Variants in HOMER2 observed in about 807,000 individuals in gnomAD.
The protein encoded by HOMER2 is homer protein homolog 2.
In HOMER2, 27 loss-of-function variants were observed where a neutral mutation model predicts 47.0. That is an observed-to-expected ratio of 0.57 (90% CI 0.42 to 0.79). The LOEUF (loss-of-function observed/expected upper bound fraction) is 0.79, where lower values mean the gene tolerates loss of function less well. HOMER2 is among the 30% of genes least tolerant of loss of function. HOMER2 has a pLI of 0.00. For synonymous variants in HOMER2, 161 were observed against 163.8 expected, an observed-to-expected ratio of 0.98 and a Z score of 0.13; for missense variants, 443 against 435.0, an observed-to-expected ratio of 1.02 and a Z score of -0.16.
intron 2 of HOMER2, among the ~76,000 whole-genome samples, chr15:82,889,427 A>G (rs917647472): frequency 5.3e-5 from 8 of 152,204 alleles, no homozygotes; most frequent in Non-Finnish European, 8.8e-5. Context: ...ATGCTCAGGA[A>G]TAAGAACAGA....
At chr15:82,876,742 G>C (rs2052360691) in intron 2 of HOMER2, among the ~76,000 whole-genome samples, 3 of 152,190 alleles carry the variant, frequency 2.0e-5, no homozygotes, top group Admixed American at 1.3e-4. Context: ...CACTTTCCTT[G>C]TAACTGATAA....
intron 1 of HOMER2, among the ~76,000 whole-genome samples, chr15:82,981,708 A>G (rs2030401269): frequency 6.6e-6 from 1 of 152,246 alleles, no homozygotes; most frequent in Non-Finnish European, 1.5e-5. Flanking sequence ...CACATGCTAC[A>G]ATGTGGATGA....
intron 1 of HOMER2, among the ~76,000 whole-genome samples, chr15:82,969,961 C>T (rs745892296): frequency 6.6e-6 from 1 of 152,114 alleles, no homozygotes; most frequent in Non-Finnish European, 1.5e-5. Flanking sequence ...TTAACTGAAA[C>T]GAACACAACA....
intron 4 of HOMER2, among the ~76,000 whole-genome samples, chr15:82,860,005 T>C (rs938896252): frequency 2.2e-4 from 33 of 151,980 alleles, no homozygotes; most frequent in Non-Finnish European, 3.7e-4. Flanking sequence ...CCCAGCACTT[T>C]GGGAGGCTGA....
chr15:82,959,659 T>G (rs569863713), intron 1 of HOMER2, among the ~76,000 whole-genome samples: 12 of 152,292 alleles, frequency 7.9e-5, no homozygotes, highest in African/African-American at 2.9e-4. Flanking sequence ...TTTAATTGGT[T>G]TGAGTGGTGC....
At chr15:82,960,940 C>A (rs748524507) in intron 1 of HOMER2, among the ~76,000 whole-genome samples, 1 of 152,246 alleles carries the variant, frequency 6.6e-6, no homozygotes, top group Non-Finnish European at 1.5e-5. Context: ...TTTGTCTGTT[C>A]CACAAAGCCC....
intron 2 of HOMER2, among the ~76,000 whole-genome samples, chr15:82,889,863 T>C (rs1174443647): frequency 2.6e-5 from 4 of 152,144 alleles, no homozygotes; most frequent in African/African-American, 7.2e-5. Context: ...TCCAGTGCAG[T>C]GTGGTCAGGT....
chr15:82,853,566 A>C (rs1221430977), intron 6 of HOMER2, among the ~76,000 whole-genome samples: 1 of 152,180 alleles, frequency 6.6e-6, no homozygotes, highest in Non-Finnish European at 1.5e-5. Flanking sequence ...AGTGAACACC[A>C]ATCTAAATGG....
At chr15:82,941,349 C>T (rs1056778977) in intron 1 of HOMER2, among the ~76,000 whole-genome samples, 3 of 146,348 alleles carry the variant, frequency 2.0e-5, no homozygotes, top group African/African-American at 5.0e-5. Context: ...GAGGCTGAGG[C>T]GCAAGAATCG....
At chr15:82,950,297 G>T (rs2054478320) in intron 1 of HOMER2, among the ~76,000 whole-genome samples, 1 of 152,238 alleles carries the variant, frequency 6.6e-6, no homozygotes, top group Middle Eastern at 3.2e-3. Context: ...CAGAAGAGAA[G>T]TGGAAAATGG....
At position 82,862,643 on chromosome 15, in the gene HOMER2, A is replaced by G. The variant is rs2051831234; in HGVS notation, c.387+1524T>C. On this transcript the variant is annotated intron_variant, in intron 4 of 8. Coordinates refer to ENST00000450735, the MANE Select transcript of HOMER2 (RefSeq NM_004839.4). ...AGATTAATCAAGTAATTAGCATACA[A>G]AATTAATGGTATCACTGAATCATAT... Among the ~76,000 whole-genome samples the G allele has an allele frequency of 2.0e-5, 3 of 152,214 alleles. No individual in the cohort carries two copies. In the South Asian group the frequency reaches 6.2e-4, roughly 32 times the overall value.
chr15:82,962,072 CTT>C, intron 1 of HOMER2, among the ~76,000 whole-genome samples: 1 of 151,240 alleles, frequency 6.6e-6, no homozygotes, highest in East Asian at 2.0e-4. Flanking sequence ...CCCACACAAA[CTT>C]TTAAAAAATG....
chr15:82,840,967 TAAG>T (rs1284836767), exon 2 of HOMER2: 1 of 152,062 alleles, frequency 6.6e-6, no homozygotes, highest in Non-Finnish European at 1.5e-5. Context: ...TTAATTTTTT[TAAG>T]AAGTTAACAA....
At chr15:82,868,541 ATTTT>A (rs10678643) in intron 3 of HOMER2, among the ~76,000 whole-genome samples, 30 of 71,246 alleles carry the variant, frequency 4.2e-4, no homozygotes, top group South Asian at 9.8e-4. Flanking sequence ...ATATATATAT[ATTTT>A]TTTTTTTTTT....
At chr15:82,972,873 G>A (rs553762871) in intron 1 of HOMER2, among the ~76,000 whole-genome samples, 1 of 152,258 alleles carries the variant, frequency 6.6e-6, no homozygotes, top group East Asian at 1.9e-4. Context: ...GCTAAGCAGT[G>A]AGCCCACAGT....
intron 1 of HOMER2, among the ~76,000 whole-genome samples, chr15:82,897,196 G>T (rs907273524): frequency 6.7e-6 from 1 of 148,950 alleles, no homozygotes; most frequent in East Asian, 2.0e-4. Context: ...CTCCCAAGTA[G>T]CTGGGATTAC....
chr15:82,985,190 G>A (rs892745066), intron 1 of HOMER2, among the ~76,000 whole-genome samples: 10 of 152,262 alleles, frequency 6.6e-5, no homozygotes, highest in Admixed American at 5.2e-4. Context: ...ACTGACTGAG[G>A]GAGAATGGAA....
upstream of HOMER2, among the ~76,000 whole-genome samples, chr15:82,955,380 A>G (rs1042427038): frequency 6.6e-6 from 1 of 151,660 alleles, no homozygotes; most frequent in Non-Finnish European, 1.5e-5. Flanking sequence ...CATGTTAGCT[A>G]GGATGGTCTC....
intron 1 of HOMER2, among the ~76,000 whole-genome samples, chr15:82,923,834 G>A (rs1406384667): frequency 6.6e-6 from 1 of 152,132 alleles, no homozygotes; most frequent in Non-Finnish European, 1.5e-5. Context: ...ATTTTCCCCA[G>A]TCGGTTGTAC....
Sources: gnomAD v4.1 joint callset for allele counts (sites outside exome capture counted in the v4.1 genomes callset) on GRCh38, gnomAD v4.1.1 for gene constraint, MANE v1.5 for transcripts, NCBI Gene and HGNC (gene_info 2026-07-23, HGNC 2026-07-21) for gene names.